Variants in TCERG1L observed in about 807,000 individuals in gnomAD.
The protein encoded by TCERG1L is transcription elongation regulator 1-like protein.
In TCERG1L, 37 loss-of-function variants were observed where a neutral mutation model predicts 56.3. The ratio of observed to expected loss-of-function variants is 0.66; its 90% confidence interval spans 0.51 to 0.87. The LOEUF (loss-of-function observed/expected upper bound fraction) is 0.87, where lower values mean the gene tolerates loss of function less well. TCERG1L is among the 40% of genes least tolerant of loss of function. The pLI, the probability that TCERG1L is intolerant of heterozygous loss-of-function variation, is 0.00. For synonymous variants in TCERG1L, 324 were observed against 326.3 expected, an observed-to-expected ratio of 0.99 and a Z score of 0.08; for missense variants, 799 against 774.2, an observed-to-expected ratio of 1.03 and a Z score of -0.38.
chr10:131,092,800 C>T lies in TCERG1L; in HGVS notation c.*362G>A, dbSNP rs909135226. 22 of 169,076 alleles carry T rather than the reference C, an allele frequency of 1.3e-4. No individual in the cohort carries two copies. The highest frequency in any genetic ancestry group is 3.1e-4 in the African/African-American group (13 of 42,086). The allele number at this position is 169,076 out of a possible 1,614,324, so 10.5% of individuals were successfully genotyped here. A position where few individuals can be genotyped will look rare whatever the true frequency, so the allele number is the denominator to read the frequency against. On this transcript the variant is annotated 3_prime_UTR_variant, in exon 12 of 12. Coordinates refer to ENST00000368642, the MANE Select transcript of TCERG1L (RefSeq NM_174937.4). Reference sequence around the variant, plus strand: ...TCACAAAGGTTTTCAGAAAAGTTTTCGCCAATCGTCTTAGGTGATGACACA... The same window carrying T: ...TCACAAAGGTTTTCAGAAAAGTTTTTGCCAATCGTCTTAGGTGATGACACA...
In TCERG1L at chr10:131,243,618, T is replaced by C. The variant is rs1845997065; in HGVS notation, c.856+16641A>G. 2.6e-5 allele frequency among the ~76,000 whole-genome samples: 4 copies of C among 152,272 alleles called. No individual in the cohort carries two copies. In the South Asian group the frequency reaches 8.3e-4, roughly 32 times the overall value. On this transcript the variant is annotated intron_variant, in intron 4 of 11. Coordinates refer to ENST00000368642, the MANE Select transcript of TCERG1L (RefSeq NM_174937.4). Reference sequence around the variant, plus strand: ...ACACATGCACACTGCGGCTGTCCTCTCTGTCGTTCCTAAAACCAACCCTGC... The same window carrying C: ...ACACATGCACACTGCGGCTGTCCTCCCTGTCGTTCCTAAAACCAACCCTGC...
chr10:131,123,978 G>A (rs1356889840), intron 8 of TCERG1L, among the ~76,000 whole-genome samples: 2 of 152,200 alleles, frequency 1.3e-5, no homozygotes, highest in Admixed American at 6.5e-5. Context: ...CCACCTGGAG[G>A]AAAAGATGCC....
At chr10:131,126,205 C>T (rs1845563944) in intron 8 of TCERG1L, among the ~76,000 whole-genome samples, 1 of 152,218 alleles carries the variant, frequency 6.6e-6, no homozygotes, top group African/African-American at 2.4e-5. Context: ...ACAGCTCACT[C>T]CCAGTCTTCA....
intron 4 of TCERG1L, among the ~76,000 whole-genome samples, chr10:131,251,215 C>G (rs1247240888): frequency 6.6e-6 from 1 of 152,204 alleles, no homozygotes; most frequent in Non-Finnish European, 1.5e-5. Context: ...GTGGCCCTGA[C>G]CACTCCCACG....
intron 11 of TCERG1L, among the ~76,000 whole-genome samples, chr10:131,095,985 G>A (rs151200065): frequency 6.5e-4 from 99 of 152,346 alleles, no homozygotes; most frequent in African/African-American, 2.4e-3. Context: ...AATAGAGAAT[G>A]CTGGCCAGAT....
intron 4 of TCERG1L, among the ~76,000 whole-genome samples, chr10:131,235,036 T>C (rs11017831): frequency 0.066 from 10,017 of 152,224 alleles, 916 homozygotes; most frequent in African/African-American, 0.21. Context: ...AGCTGCCACA[T>C]GAGGTGGTGA....
intron 3 of TCERG1L, among the ~76,000 whole-genome samples, chr10:131,299,244 G>A (rs2918122): frequency 0.33 from 49,899 of 151,718 alleles, 8,538 homozygotes; most frequent in Non-Finnish European, 0.38. Context: ...TATAGACATC[G>A]TATATTTGGA....
Position 131,134,457 on chromosome 10 carries a change from A to C in TCERG1L, c.1190-9T>G, listed in dbSNP as rs1845652436. On this transcript the variant is annotated splice_polypyrimidine_tract_variant and intron_variant, in intron 7 of 11. Coordinates refer to ENST00000368642, the MANE Select transcript of TCERG1L (RefSeq NM_174937.4). ...CCCATCGCTGTTGTCAGCTGAAAGA[A>C]AATCAGATGAACAGGGTTAGAGTTG... 1 of 1,581,578 alleles carries C rather than the reference A, an allele frequency of 6.3e-7. No homozygotes were observed. Among genetic ancestry groups the C allele is most frequent in the Non-Finnish European group, 8.6e-7 (1 of 1,162,776 alleles).
chr10:131,291,475 G>A (rs1846625522), intron 3 of TCERG1L, among the ~76,000 whole-genome samples: 1 of 114,330 alleles, frequency 8.7e-6, no homozygotes, highest in South Asian at 2.8e-4. Flanking sequence ...CTCCCAGGTT[G>A]GAGTGCAGTG....
In TCERG1L at chr10:131,166,848, A is replaced by G; in HGVS notation, c.894T>C (p.Pro298=). 6.2e-7 allele frequency: 1 copy of G among 1,613,676 alleles called. No homozygotes were observed. The highest frequency in any genetic ancestry group is 8.5e-7 in the Non-Finnish European group (1 of 1,179,892). ...RTERGRVARP[P]ALMLRAQKSR... The stretch of plus-strand genomic sequence containing the variant: ...TCTTCTGGGCCCGCAGCATCAGGGC[A>G]GGAGGGCGGGCCACTCGGCCCCGCT... Residue 298 remains proline, a synonymous_variant, in exon 5 of 12, where the codon CCT becomes CCC. Coordinates refer to ENST00000368642, the MANE Select transcript of TCERG1L (RefSeq NM_174937.4).
At chr10:131,250,237 C>T (rs1329751724) in intron 4 of TCERG1L, among the ~76,000 whole-genome samples, 1 of 152,178 alleles carries the variant, frequency 6.6e-6, no homozygotes, top group Admixed American at 6.5e-5. Context: ...TGCAAGTGGC[C>T]TGGAGGGTCA....
chr10:131,202,764 T>C (rs914709840), intron 4 of TCERG1L, among the ~76,000 whole-genome samples: 7 of 152,216 alleles, frequency 4.6e-5, no homozygotes, highest in Non-Finnish European at 7.3e-5. Flanking sequence ...TGATTATCAA[T>C]AGAAGTTTCC....
At chr10:131,307,840 T>G (rs1329633920) in intron 3 of TCERG1L, among the ~76,000 whole-genome samples, 1 of 152,094 alleles carries the variant, frequency 6.6e-6, no homozygotes, top group Non-Finnish European at 1.5e-5. Context: ...CAAACATTAT[T>G]CCTTGCACGT....
At chr10:131,273,683 C>A (rs1261609709) in intron 3 of TCERG1L, among the ~76,000 whole-genome samples, 4 of 152,110 alleles carry the variant, frequency 2.6e-5, no homozygotes, top group Admixed American at 2.0e-4. Flanking sequence ...AGACGCTGCC[C>A]ACACCTACCC....
intron 7 of TCERG1L, among the ~76,000 whole-genome samples, chr10:131,138,595 C>T (rs1413186171): frequency 6.6e-6 from 1 of 152,088 alleles, no homozygotes; most frequent in East Asian, 1.9e-4. Context: ...AGAAATCATC[C>T]CTGAAGAAGT....
intron 3 of TCERG1L, among the ~76,000 whole-genome samples, chr10:131,280,471 G>A (rs2133561989): frequency 6.6e-6 from 1 of 151,908 alleles, no homozygotes; most frequent in East Asian, 1.9e-4. Context: ...GATGAGAGAG[G>A]AATGGTTGCA....
At position 131,092,591 on chromosome 10, in the gene TCERG1L, G is replaced by A. The variant is rs1297566958; in HGVS notation, c.*571C>T. On this transcript the variant is annotated 3_prime_UTR_variant, in exon 12 of 12. Transcript: ENST00000368642. Reference sequence around the variant, plus strand: ...TGCTCCAGGCCGGGACGCCCCTCTGGGAGGAACGCGCGGCCACCCTTGGAA... The same window carrying A: ...TGCTCCAGGCCGGGACGCCCCTCTGAGAGGAACGCGCGGCCACCCTTGGAA... The A allele has an allele frequency of 6.6e-6, 1 of 152,548 alleles. No individual in the cohort carries two copies. Among genetic ancestry groups the A allele is most frequent in the African/African-American group, 2.4e-5 (1 of 41,456 alleles). The allele number at this position is 152,548 out of a possible 1,614,324, so 9.4% of individuals were successfully genotyped here. A position where few individuals can be genotyped will look rare whatever the true frequency, so the allele number is the denominator to read the frequency against.
intron 9 of TCERG1L, among the ~76,000 whole-genome samples, chr10:131,104,830 G>A (rs536862358): frequency 4.6e-5 from 7 of 152,262 alleles, no homozygotes; most frequent in African/African-American, 1.7e-4. Flanking sequence ...AGTTTTAGAC[G>A]TACTAAAAAT....
At chr10:131,256,039 C>T (rs1356925663) in intron 4 of TCERG1L, among the ~76,000 whole-genome samples, 1 of 152,248 alleles carries the variant, frequency 6.6e-6, no homozygotes, top group African/African-American at 2.4e-5. Context: ...TTCCCGCACA[C>T]GCCAGATGAG....
Sources: gnomAD v4.1 joint callset for allele counts (sites outside exome capture counted in the v4.1 genomes callset) on GRCh38, gnomAD v4.1.1 for gene constraint, MANE v1.5 for transcripts, NCBI Gene and HGNC (gene_info 2026-07-23, HGNC 2026-07-21) for gene names.